Variants in SORCS1 observed in about 807,000 individuals in gnomAD.
SORCS1 encodes the protein sortilin related VPS10 domain containing receptor 1.
A neutral mutation model predicts 146.1 loss-of-function variants in SORCS1; 60 were observed. The observed-to-expected ratio is 0.41, with a 90% CI of 0.33 to 0.51. SORCS1 has a LOEUF of 0.51. Ranked by LOEUF, SORCS1 falls within the 20% of genes least tolerant of loss-of-function variation. The probability of loss-of-function intolerance (pLI) is 0.21; values close to 1 mark genes in which losing one functional copy is unlikely to be tolerated. For synonymous variants in SORCS1, 637 were observed against 584.0 expected (o/e 1.09, Z -1.31); for missense variants, 1,352 against 1,487.6 (o/e 0.91, Z 1.50).
intron 1 of SORCS1, among the ~76,000 whole-genome samples, chr10:107,150,508 C>A (rs1303447227): frequency 2.0e-5 from 3 of 152,220 alleles, no homozygotes; most frequent in Admixed American, 1.3e-4. Flanking sequence ...TCACTCAAAG[C>A]AAAAGGCAAG....
chr10:106,725,005 T>TG, intron 6 of SORCS1, among the ~76,000 whole-genome samples: 1 of 151,910 alleles, frequency 6.6e-6, no homozygotes, highest in East Asian at 1.9e-4. Flanking sequence ...CCAGGTGTGG[T>TG]GGTAGGTGCC....
intron 23 of SORCS1, among the ~76,000 whole-genome samples, chr10:106,601,911 A>T (rs1047950911): frequency 1.3e-5 from 2 of 152,244 alleles, no homozygotes; most frequent in African/African-American, 2.4e-5. Context: ...CTCATGGTAC[A>T]GTCCTATCAT....
chr10:106,918,043 T>A (rs1316911106), intron 2 of SORCS1, among the ~76,000 whole-genome samples: 1 of 152,100 alleles, frequency 6.6e-6, no homozygotes, highest in East Asian at 1.9e-4. Context: ...TAAGTTTCCA[T>A]CATTGTAACT....
At chr10:106,929,291 A>C (rs1016141300) in intron 2 of SORCS1, among the ~76,000 whole-genome samples, 1 of 152,148 alleles carries the variant, frequency 6.6e-6, no homozygotes, top group Non-Finnish European at 1.5e-5. Flanking sequence ...TCTTCTTTCC[A>C]CTATACATTT....
intron 1 of SORCS1, among the ~76,000 whole-genome samples, chr10:107,034,229 G>A (rs1958790793): frequency 6.6e-6 from 1 of 152,136 alleles, no homozygotes; most frequent in Non-Finnish European, 1.5e-5. Flanking sequence ...GGGGTAGAGA[G>A]GGAGCTGAAG....
intron 2 of SORCS1, among the ~76,000 whole-genome samples, chr10:106,873,524 A>T (rs1177286811): frequency 2.0e-5 from 3 of 152,118 alleles, no homozygotes; most frequent in Admixed American, 2.0e-4. Context: ...AATGTTAGAG[A>T]ACAGACTTTC....
At chr10:106,984,040 C>T (rs983012169) in intron 1 of SORCS1, among the ~76,000 whole-genome samples, 2 of 152,164 alleles carry the variant, frequency 1.3e-5, no homozygotes, top group Non-Finnish European at 2.9e-5. Context: ...GAACTAATGG[C>T]TTTTACCAAT....
chr10:106,655,626 T>TC (rs1476285725), intron 17 of SORCS1, among the ~76,000 whole-genome samples: 1 of 152,026 alleles, frequency 6.6e-6, no homozygotes, highest in Admixed American at 6.6e-5. Context: ...CACGAATCCA[T>TC]CCCCCCGGGA....
At chr10:106,769,213 C>T (rs1198174505) in intron 4 of SORCS1, among the ~76,000 whole-genome samples, 5 of 152,082 alleles carry the variant, frequency 3.3e-5, no homozygotes, top group Non-Finnish European at 7.4e-5. Context: ...TGGCTGGGAG[C>T]GGTGGCTCAC....
In SORCS1 at chr10:106,935,086, T is replaced by TA. The variant is rs1322354283; in HGVS notation, c.626+21426dup. The stretch of plus-strand genomic sequence containing the variant: ...CTGAAATTAAAAAAATACTTACAAA[T>TA]AAAAAAAAGAAAAGAAAATAATTTT... On this transcript the variant is annotated intron_variant, in intron 2 of 25. Transcript: ENST00000263054. 3.3e-5 allele frequency among the ~76,000 whole-genome samples: 5 copies of TA among 151,198 alleles called. No homozygotes were observed. In the East Asian group the frequency reaches 7.8e-4, roughly 24 times the overall value.
At chr10:106,916,566 G>A (rs1403611735) in intron 2 of SORCS1, among the ~76,000 whole-genome samples, 1 of 127,182 alleles carries the variant, frequency 7.9e-6, no homozygotes, top group African/African-American at 3.1e-5. Flanking sequence ...ATAATTGTGT[G>A]CATATATATA....
At chr10:106,859,602 A>C (rs1021905677) in intron 2 of SORCS1, among the ~76,000 whole-genome samples, 1 of 152,150 alleles carries the variant, frequency 6.6e-6, no homozygotes, top group Non-Finnish European at 1.5e-5. Context: ...CATGTTGGCC[A>C]GGCTGGTCTT....
intron 1 of SORCS1, among the ~76,000 whole-genome samples, chr10:106,995,413 G>A (rs1182092254): frequency 1.3e-5 from 2 of 152,116 alleles, no homozygotes; most frequent in Non-Finnish European, 2.9e-5. Context: ...GGATGGGCAG[G>A]AAAAGTAACG....
chr10:106,878,017 G>T (rs1302166004), intron 2 of SORCS1, among the ~76,000 whole-genome samples: 4 of 152,136 alleles, frequency 2.6e-5, no homozygotes, highest in Non-Finnish European at 5.9e-5. Context: ...ATCCAAGAGT[G>T]AATTGAATAT....
intron 6 of SORCS1, among the ~76,000 whole-genome samples, chr10:106,724,017 C>T (rs2135959730): frequency 6.6e-6 from 1 of 152,206 alleles, no homozygotes; most frequent in Non-Finnish European, 1.5e-5. Context: ...TCAAGATCTA[C>T]TGGCAGGTCT....
intron 2 of SORCS1, among the ~76,000 whole-genome samples, chr10:106,845,947 T>C (rs2137205829): frequency 7.8e-6 from 1 of 128,052 alleles, no homozygotes; most frequent in South Asian, 3.0e-4. Context: ...TCTATATCTC[T>C]GTTTTGGTAC....
In SORCS1 at chr10:106,688,212, C is replaced by A. The variant is rs760008969; in HGVS notation, c.1540G>T (p.Asp514Tyr). The A allele has an allele frequency of 1.2e-6, 2 of 1,613,774 alleles. No homozygotes were observed. Among genetic ancestry groups the A allele is most frequent in the South Asian group, 1.1e-5 (1 of 91,028 alleles). ...CTCACCAGCAAGCAGTGCACGGGGT[C>A]CCCCCTTAGATCCGTGTCCGGCGCC... is the stretch of plus-strand genomic sequence containing the variant. Reference protein sequence around the residue: ...LQAPDTDLRGDPVHCLLPYCS... With the variant: ...LQAPDTDLRGYPVHCLLPYCS... The change falls in exon 10 of 26, where the codon GAC (aspartate) becomes TAC (tyrosine). Residue 514 changes from aspartate to tyrosine, a missense_variant. By Grantham distance (160) the Asp-to-Tyr change is radical (BLOSUM62 -3). Transcript: ENST00000263054.
chr10:106,913,076 G>GA (rs34402617), intron 2 of SORCS1, among the ~76,000 whole-genome samples: 64,170 of 144,754 alleles, frequency 0.44, 16,905 homozygotes, highest in Non-Finnish European at 0.6. Flanking sequence ...GGACTGCAAA[G>GA]AAAAAAAAAA....
intron 14 of SORCS1, among the ~76,000 whole-genome samples, chr10:106,673,681 A>G (rs1398649745): frequency 1.3e-5 from 2 of 152,210 alleles, no homozygotes; most frequent in African/African-American, 2.4e-5. Context: ...GCTAATGTAC[A>G]TAGTTCCCAT....
Sources: gnomAD v4.1 joint callset for allele counts (sites outside exome capture counted in the v4.1 genomes callset) on GRCh38, gnomAD v4.1.1 for gene constraint, MANE v1.5 for transcripts, NCBI Gene and HGNC (gene_info 2026-07-23, HGNC 2026-07-21) for gene names.